RPS24: variants seen among roughly 807,000 people sequenced by gnomAD.
The protein encoded by RPS24 is small ribosomal subunit protein eS24.
For missense variants in RPS24, 100 were observed against 162.5 expected (o/e 0.62, Z 2.09); for synonymous variants, 72 against 55.6 (o/e 1.30, Z -1.31).
chr10:78,046,286 A>G (rs59464877), intron 4 of RPS24, among the ~76,000 whole-genome samples: 8,198 of 151,072 alleles, frequency 0.054, 707 homozygotes, highest in African/African-American at 0.18. Flanking sequence ...AATAGCTAAC[A>G]TTTATTGTTT....
downstream of RPS24, among the ~76,000 whole-genome samples, chr10:78,042,183 G>A (rs1564630942): frequency 1.3e-5 from 2 of 152,216 alleles, no homozygotes; most frequent in African/African-American, 4.8e-5. Context: ...CAATTGGCAG[G>A]GCTCCAGGCT....
chr10:78,043,551 C>A (rs1016151463), downstream of RPS24, among the ~76,000 whole-genome samples: 2 of 152,208 alleles, frequency 1.3e-5, no homozygotes, highest in Non-Finnish European at 2.9e-5. Flanking sequence ...GTTTATTGAA[C>A]AAGTGTTAGA....
chr10:78,052,503 A>C (rs1483555373), intron 4 of RPS24, among the ~76,000 whole-genome samples: 1 of 152,136 alleles, frequency 6.6e-6, no homozygotes, highest in Non-Finnish European at 1.5e-5. Context: ...TCCCCATTTC[A>C]TAGTGTGATG....
intron 4 of RPS24, among the ~76,000 whole-genome samples, chr10:78,053,634 T>C (rs989813308): frequency 6.6e-6 from 1 of 152,112 alleles, no homozygotes; most frequent in African/African-American, 2.4e-5. Context: ...CTTCTTCAGC[T>C]CCTGAAGGGG....
At chr10:78,054,630 G>C (rs1848132442) in exon 5 of RPS24, 19 of 1,551,588 alleles carry the variant, frequency 1.2e-5, no homozygotes, top group Non-Finnish European at 1.7e-5. Flanking sequence ...AAGCCGGGGG[G>C]TTGTGTGGCA....
At chr10:78,054,171 G>A (rs1035265745) in intron 4 of RPS24, among the ~76,000 whole-genome samples, 1 of 152,110 alleles carries the variant, frequency 6.6e-6, no homozygotes, top group African/African-American at 2.4e-5. Context: ...GAGGGCTGGG[G>A]ACTAGTGCAG....
chr10:78,037,333 C>A, intron 4 of RPS24, 29 bp downstream of exon 4: 1 of 1,568,636 alleles, frequency 6.4e-7, no homozygotes, highest in Non-Finnish European at 8.6e-7. Context: ...AATATAGAAA[C>A]GTCATTAATT....
intron 4 of RPS24, chr10:78,038,849 C>G (rs1239238347): frequency 1.3e-5 from 2 of 152,016 alleles, no homozygotes; most frequent in African/African-American, 4.8e-5. Flanking sequence ...TCAGGCTGCT[C>G]TTGAACTCCC....
intron 1 of RPS24, chr10:78,034,263 G>A (rs1490147500): frequency 4.6e-6 from 2 of 430,754 alleles, no homozygotes; most frequent in African/African-American, 2.0e-5. Flanking sequence ...CGGCTTGCAG[G>A]TGATGGCAGT....
rs779319426 is a variant in RPS24 at position 78,035,333 on chromosome 10, A to G, written c.4-19A>G. The stretch of plus-strand genomic sequence containing the variant: ...AAAAGTTGGAGTAGTTTTATTAACC[A>G]GAGTGTTTATGTTTTCAGAACGACA... On this transcript the variant is annotated intron_variant, in intron 1 of 5. Transcript: ENST00000372360. 1.2e-6 allele frequency: 2 copies of G among 1,612,790 alleles called. No homozygotes were observed.
intron 4 of RPS24, 166 bp from the exon 5 acceptor site, chr10:78,040,038 C>T (rs555638034): frequency 2.8e-6 from 2 of 713,252 alleles, no homozygotes; most frequent in Non-Finnish European, 5.2e-6. Flanking sequence ...ATCAGTGAGT[C>T]TGGAAGGAGT....
downstream of RPS24, among the ~76,000 whole-genome samples, chr10:78,043,059 A>G (rs898162245): frequency 3.9e-5 from 6 of 152,112 alleles, no homozygotes. Context: ...GCTGGAGTGC[A>G]GTGGCAGAAT....
intron 1 of RPS24, 76 bp from the exon 2 acceptor site, chr10:78,035,276 T>G: frequency 7.0e-7 from 1 of 1,427,100 alleles, no homozygotes; most frequent in Non-Finnish European, 9.9e-7. Flanking sequence ...ACTGCAACAT[T>G]CTAGGTCTTG....
At position 78,046,346 on chromosome 10, in the gene RPS24, C is replaced by CTTTTTT. The variant is rs57003851; in HGVS notation, c.391-8171_391-8166dup. 8.3e-3 allele frequency among the ~76,000 whole-genome samples: 1,043 copies of CTTTTTT among 126,076 alleles called. 73 individuals carry two copies. The highest frequency in any genetic ancestry group is 0.03 in the African/African-American group (882 of 29,342). 82.7% of individuals were successfully genotyped at this position (126,076 alleles called of 152,430 possible). On this transcript the variant is annotated intron_variant, in intron 4 of 4. Coordinates refer to the RPS24 transcript ENST00000440692. ...GTCTTGCACAAATTATCTCATTTAC[C>CTTTTTT]TTTTTTTTTTTTTTTTTTTGAGAAT... is the stretch of plus-strand genomic sequence containing the variant.
At chr10:78,041,791 G>A (rs1454387612), downstream of RPS24, among the ~76,000 whole-genome samples, 1 of 152,118 alleles carries the variant, frequency 6.6e-6, no homozygotes, top group Non-Finnish European at 1.5e-5. Flanking sequence ...CAGGGAGAGT[G>A]GAAGGAAGCA....
rs774268458 is a variant in RPS24 at position 78,040,197 on chromosome 10, G to A, written c.391-7G>A. ...TTCTCTTTTTCCCTTCCCCGCCACT[G>A]ATTCAGTGAGCTGGAGATTGGATCA... is the stretch of plus-strand genomic sequence containing the variant. On this transcript the variant is annotated splice_region_variant and splice_polypyrimidine_tract_variant and intron_variant, in intron 4 of 5. Coordinates refer to ENST00000372360, the MANE Select transcript of RPS24 (RefSeq NM_033022.4). The A allele has an allele frequency of 3.1e-6, 5 of 1,613,324 alleles. No individual in the cohort carries two copies. In the South Asian group the frequency reaches 4.4e-5, roughly 14 times the overall value.
chr10:78,038,481 G>T (rs1847923957), intron 4 of RPS24: 1 of 151,458 alleles, frequency 6.6e-6, no homozygotes, highest in African/African-American at 2.4e-5. Flanking sequence ...ACGCAAAACT[G>T]CCTTTTACCA....
chr10:78,038,069 C>T, intron 4 of RPS24: 1 of 821,768 alleles, frequency 1.2e-6, no homozygotes, highest in South Asian at 1.6e-5. Flanking sequence ...CTTTGGACGA[C>T]AGTTTTATAG....
downstream of RPS24, chr10:78,040,731 C>G: frequency 7.3e-6 from 11 of 1,506,458 alleles, no homozygotes; most frequent in Non-Finnish European, 1.0e-5. Context: ...TTTGCAGTTT[C>G]CTGGGACTGC....
Sources: gnomAD v4.1 joint callset for allele counts (sites outside exome capture counted in the v4.1 genomes callset) on GRCh38, gnomAD v4.1.1 for gene constraint, MANE v1.5 for transcripts, NCBI Gene and HGNC (gene_info 2026-07-23, HGNC 2026-07-21) for gene names.